The following CPLANE1 variants were observed in gnomAD, a reference collection of about 807,000 sequenced individuals.
The protein encoded by CPLANE1 is ciliogenesis and planar polarity effector complex subunit 1.
A neutral mutation model predicts 362.5 loss-of-function variants in CPLANE1; 263 were observed. That is an observed-to-expected ratio of 0.73 (90% confidence interval 0.66 to 0.80). The LOEUF is 0.80. CPLANE1 is among the 30% of genes least tolerant of loss of function. The pLI is 0.00. For missense variants in CPLANE1, 3,461 were observed against 3,793.4 expected (o/e 0.91, Z 2.30); for synonymous variants, 1,212 against 1,302.6 (o/e 0.93, Z 1.50).
chr5:37,098,132 G>A, the CPLANE1 span, among the ~76,000 whole-genome samples: 3 of 152,084 alleles, frequency 2.0e-5, no homozygotes, highest in South Asian at 2.1e-4. Context: ...GGTGGCTCAC[G>A]CCTGTAATCC....
intron 47 of CPLANE1, among the ~76,000 whole-genome samples, chr5:37,123,448 T>G (rs867104258): frequency 6.6e-6 from 1 of 152,204 alleles, no homozygotes; most frequent in Non-Finnish European, 1.5e-5. Context: ...TCCCATCCCT[T>G]TACCCAAATA....
chr5:37,212,276 A>C (rs1432172610), intron 16 of CPLANE1: 1 of 1,271,392 alleles, frequency 7.9e-7, no homozygotes, highest in Non-Finnish European at 1.2e-6. Context: ...ATAAGAGCTC[A>C]AAAAAGATGG....
rs1800910144 is a variant in CPLANE1 at position 37,243,001 on chromosome 5, C to T, written c.677+12G>A. 1 of 1,500,360 alleles carries T rather than the reference C, an allele frequency of 6.7e-7. No individual in the cohort carries two copies. The highest frequency in any genetic ancestry group is 1.4e-5 in the African/African-American group (1 of 70,674). 92.9% of individuals were successfully genotyped at this position (1,500,360 alleles called of 1,614,324 possible). A position where few individuals can be genotyped will look rare whatever the true frequency, so the allele number is the denominator to read the frequency against. On this transcript the variant is annotated intron_variant, in intron 6 of 52. Transcript: ENST00000651892. ...ATCAGTAAGAAAAGGAAGAAGAAAA[C>T]ATTTACCTCACCTTACAGATGTAAA...
chr5:37,085,528 C>T, the CPLANE1 span: 1 of 808,674 alleles, frequency 1.2e-6, no homozygotes, highest in African/African-American at 1.7e-5. Context: ...GTAAATGATA[C>T]CATTCAGACT....
chr5:37,209,571 TTAA>T lies in CPLANE1; in HGVS notation c.2921-3149_2921-3147del. The T allele has an allele frequency of 1.5e-6, 2 of 1,359,200 alleles. No individual in the cohort carries two copies. Among genetic ancestry groups the T allele is most frequent in the South Asian group, 1.2e-5 (1 of 85,796 alleles). The allele number at this position is 1,359,200 out of a possible 1,614,324, so 84.2% of individuals were successfully genotyped here. On this transcript the variant is annotated intron_variant, in intron 16 of 52. Transcript: ENST00000651892. This position sits in a 1 kb window ranked among gnomAD's most constrained non-coding sequence, Gnocchi z 4.6. ...CATTTCAGTGCAAGGGAGCTCCCTC[TTAA>T]TAAGTGCCTCTAACTCTTTAGTGGC...
chr5:37,167,808 A>G (rs546971366), intron 34 of CPLANE1, among the ~76,000 whole-genome samples: 47 of 152,296 alleles, frequency 3.1e-4, no homozygotes, highest in Admixed American at 9.2e-4. Flanking sequence ...CTTTCCTCTT[A>G]TAAATGAAAT....
chr5:37,156,664 TC>T (rs1452111546), intron 41 of CPLANE1, among the ~76,000 whole-genome samples: 1 of 152,144 alleles, frequency 6.6e-6, no homozygotes, highest in Non-Finnish European at 1.5e-5. Flanking sequence ...TATATAGTCT[TC>T]TAAATCTTGC....
Position 37,224,705 on chromosome 5 carries a change from GT to G in CPLANE1, c.2326del (p.Thr776LeufsTer8), listed in dbSNP as rs752464801. Reference sequence around the variant, plus strand: ...ATTTAATTGTGCTTGATACCATAAAGTTTTTTTGTACAGTATTCTCCAGAGA... The same window carrying G: ...ATTTAATTGTGCTTGATACCATAAAGTTTTTTGTACAGTATTCTCCAGAGA... Reference protein sequence around the residue: ...LILWRILYKKTLWYQAQLNRR... With the variant: ...LILWRILYKKXLWYQAQLNRR... On this transcript the variant is annotated frameshift_variant, in exon 13 of 53. Coordinates refer to ENST00000651892, the MANE Select transcript of CPLANE1 (RefSeq NM_001384732.1). 1.9e-6 allele frequency: 3 copies of G among 1,551,176 alleles called. No individual in the cohort carries two copies. The highest frequency in any genetic ancestry group is 1.2e-5 in the South Asian group (1 of 84,038).
In CPLANE1 at chr5:37,181,028, T is replaced by A. The variant is rs1475887735; in HGVS notation, c.5422-23A>T. ...CATCTAAAGCAAACCATTTAAAGTA[T>A]TTAGTATTTATTGAACCCTTTATTT... is the stretch of plus-strand genomic sequence containing the variant. On this transcript the variant is annotated intron_variant, in intron 26 of 52. Coordinates refer to ENST00000651892, the MANE Select transcript of CPLANE1 (RefSeq NM_001384732.1). 12 of 1,596,772 alleles carry A rather than the reference T, an allele frequency of 7.5e-6. No individual in the cohort carries two copies. In the South Asian group the frequency reaches 1.2e-4, roughly 16 times the overall value.
chr5:37,180,795 A>C, intron 27 of CPLANE1, 62 bp downstream of exon 27: 1 of 1,516,308 alleles, frequency 6.6e-7, no homozygotes, highest in Non-Finnish European at 9.1e-7. Context: ...CTTCCCTTTA[A>C]GCCCAAATGC....
chr5:37,173,824 C>T lies in CPLANE1; in HGVS notation c.6102G>A (p.Thr2034=), dbSNP rs149834154. ...TPQKTQRNEF[T]AQLPDCSESV... is the part of the protein sequence containing the mutation. ...ACTCCGAACAATCTGGTAACTGAGC[C>T]GTGAATTCATTTCTCTGGGTCTTCT... is the stretch of plus-strand genomic sequence containing the variant. Residue 2034 remains threonine (T), a synonymous_variant, in exon 32 of 53, where the codon ACG becomes ACA. Transcript: ENST00000651892. The T allele has an allele frequency of 1.1e-5, 17 of 1,614,092 alleles. No homozygotes were observed. Among genetic ancestry groups the T allele is most frequent in the African/African-American group, 1.3e-5 (1 of 75,012 alleles).
intron 31 of CPLANE1, among the ~76,000 whole-genome samples, chr5:37,174,334 C>G (rs1246717500): frequency 6.6e-6 from 1 of 152,044 alleles, no homozygotes; most frequent in Non-Finnish European, 1.5e-5. Context: ...ATGTTTTTGA[C>G]TAAAATTAAT....
chr5:37,087,542 C>T, the CPLANE1 span, among the ~76,000 whole-genome samples: 5 of 152,184 alleles, frequency 3.3e-5, no homozygotes, highest in African/African-American at 7.2e-5. Context: ...CTGCAAGCTC[C>T]GCCTCCTGGG....
downstream of CPLANE1, among the ~76,000 whole-genome samples, chr5:37,103,310 A>T (rs1226161099): frequency 6.6e-6 from 1 of 151,836 alleles, no homozygotes; most frequent in East Asian, 1.9e-4. Context: ...ATGGGGCTTG[A>T]CTCTATCCAG....
intron 51 of CPLANE1, among the ~76,000 whole-genome samples, chr5:37,110,659 G>A (rs1461482770): frequency 1.3e-5 from 2 of 152,002 alleles, no homozygotes; most frequent in Non-Finnish European, 1.5e-5. Context: ...GGCAGTTGCT[G>A]AGTGAATACT....
At chr5:37,141,489 A>G (rs1468780913) in intron 44 of CPLANE1, 22 of 984,116 alleles carry the variant, frequency 2.2e-5, no homozygotes, top group Non-Finnish European at 2.4e-5. Flanking sequence ...CACACATGGC[A>G]TCTAGAAAGA....
chr5:37,197,630 G>A (rs977561275), intron 20 of CPLANE1, among the ~76,000 whole-genome samples: 11 of 152,162 alleles, frequency 7.2e-5, no homozygotes, highest in African/African-American at 2.4e-4. Flanking sequence ...TTAAATGGCT[G>A]CTATTTTAAG....
intron 26 of CPLANE1, among the ~76,000 whole-genome samples, chr5:37,181,818 C>T (rs559196143): frequency 2.0e-5 from 3 of 148,870 alleles, no homozygotes; most frequent in African/African-American, 5.0e-5. Flanking sequence ...CTGGACCAGG[C>T]GCAGTGGCTC....
rs753624914 is a variant in CPLANE1 at position 37,182,746 on chromosome 5, A to G, written c.5421+14T>C. ...AATTCTCATTTGTAAGTAATAAACAATTGATATGCTTACCTTAATAATGGC... is the reference window on the plus strand; with the variant it reads ...AATTCTCATTTGTAAGTAATAAACAGTTGATATGCTTACCTTAATAATGGC... On this transcript the variant is annotated intron_variant, in intron 26 of 52. Coordinates refer to ENST00000651892, the MANE Select transcript of CPLANE1 (RefSeq NM_001384732.1). 3.4e-6 allele frequency: 5 copies of G among 1,490,542 alleles called. No individual in the cohort carries two copies. Among genetic ancestry groups the G allele is most frequent in the Middle Eastern group, 1.7e-4 (1 of 5,772 alleles). The allele number at this position is 1,490,542 out of a possible 1,614,324, so 92.3% of individuals were successfully genotyped here. A position where few individuals can be genotyped will look rare whatever the true frequency, so the allele number is the denominator to read the frequency against.
Sources: gnomAD v4.1 joint callset for allele counts (sites outside exome capture counted in the v4.1 genomes callset) on GRCh38, gnomAD v4.1.1 for gene constraint, Gnocchi (gnomAD v3.1) non-coding constraint, MANE v1.5 for transcripts, NCBI Gene and HGNC (gene_info 2026-07-23, HGNC 2026-07-21) for gene names.